Variants in EPN1 observed in about 807,000 individuals in gnomAD.
EPN1 encodes the protein epsin 1, also known as epsin-1.
In EPN1, 25 loss-of-function variants were observed where a neutral mutation model predicts 56.9. The ratio of observed to expected loss-of-function variants is 0.44; its 90% CI spans 0.32 to 0.61. The LOEUF is 0.61. EPN1 is among the 20% of genes least tolerant of loss of function. The probability of loss-of-function intolerance (pLI) is 0.05; values close to 1 mark genes in which losing one functional copy is unlikely to be tolerated. For synonymous variants in EPN1, 411 were observed against 361.8 expected (o/e 1.14, Z -1.54); for missense variants, 785 against 823.7 (o/e 0.95, Z 0.58).
Position 55,695,010 on chromosome 19 carries a change from A to G in EPN1, c.1522+27A>G. 1 of 1,560,736 alleles carries G rather than the reference A, an allele frequency of 6.4e-7. No individual in the cohort carries two copies. Among genetic ancestry groups the G allele is most frequent in the East Asian group, 2.4e-5 (1 of 41,784 alleles). On this transcript the variant is annotated intron_variant, in intron 10 of 10. Transcript: ENST00000270460. The surrounding 1 kb of genome is among the most constrained non-coding windows in gnomAD (Gnocchi z 4.4). ...TGAGTGTGGGCCCATCACCTGCTCAAGTCCTTCCTGTGGGTTCCACCAGAG... is the reference window on the plus strand; with the variant it reads ...TGAGTGTGGGCCCATCACCTGCTCAGGTCCTTCCTGTGGGTTCCACCAGAG...
rs1987355765 is a variant in EPN1 at position 55,705,685 on chromosome 19, C to G, written c.*10329C>G. The stretch of plus-strand genomic sequence containing the variant: ...AAGTATCCCCGAACATTATCAGAGT[C>G]AAGTTAATAAAGGCCAAAGGTAGAG... On this transcript the variant is annotated 3_prime_UTR_variant, in exon 11 of 11. Transcript: ENST00000270460. 6.6e-6 allele frequency: 1 copy of G among 151,794 alleles called. No individual in the cohort carries two copies. Among genetic ancestry groups the G allele is most frequent in the Non-Finnish European group, 1.5e-5 (1 of 67,962 alleles). 9.4% of individuals were successfully genotyped at this position (151,794 alleles called of 1,614,324 possible). A position where few individuals can be genotyped will look rare whatever the true frequency, so the allele number is the denominator to read the frequency against.
intron 1 of EPN1, chr19:55,677,868 C>T (rs1985546577): frequency 2.5e-6 from 3 of 1,221,842 alleles, no homozygotes; most frequent in Non-Finnish European, 2.2e-6. Context: ...CTCTCCACTT[C>T]CTCCTTGCAT....
intron 7 of EPN1, 72 bp from the exon 8 acceptor site, chr19:55,692,614 A>AG: frequency 2.0e-6 from 2 of 1,005,392 alleles, no homozygotes; most frequent in African/African-American, 1.6e-5. Context: ...ACAGATTTGG[A>AG]GGCAATGGTC....
rs887482223 is a variant in EPN1, at chr19:55,705,738, C to T, written c.*10382C>T. 6.7e-6 allele frequency: 1 copy of T among 150,068 alleles called. No individual in the cohort carries two copies. The highest frequency in any genetic ancestry group is 1.5e-5 in the Non-Finnish European group (1 of 67,630). The allele number at this position is 150,068 out of a possible 1,614,324, so 9.3% of individuals were successfully genotyped here. On this transcript the variant is annotated 3_prime_UTR_variant, in exon 11 of 11. Coordinates refer to ENST00000270460, the MANE Select transcript of EPN1 (RefSeq NM_001130072.2). ...AATCTTGAAAGTATCGAGAAAATGA[C>T]ATGTCAATCATAAGGTCAGGTTCTT...
rs984374844 is a variant in EPN1, at chr19:55,685,756, A to G, written c.478+111A>G. The G allele has an allele frequency of 6.0e-5, 83 of 1,393,370 alleles. No individual in the cohort carries two copies. The African/African-American group carries it at 8.7e-4, about 15-fold the overall frequency. The allele number at this position is 1,393,370 out of a possible 1,614,324, so 86.3% of individuals were successfully genotyped here. On this transcript the variant is annotated intron_variant, in intron 3 of 10. Transcript: ENST00000270460. ...TCTCCCAGCCAGGAGGGACCGCGGC[A>G]TCCCCCTTTGCTTCTCCTCACCTGG...
rs542160565 is a variant in EPN1, at chr19:55,684,679, C to T, written c.229-717C>T. Among the ~76,000 whole-genome samples, 106 of 152,310 alleles carry T rather than the reference C, an allele frequency of 7.0e-4. 2 individuals carry two copies. The highest frequency in any genetic ancestry group is 2.3e-3 in the African/African-American group (97 of 41,572). On this transcript the variant is annotated intron_variant, in intron 2 of 10. Transcript: ENST00000270460. ...TTCTTGCAGAGGTGATAAACTACTG[C>T]TCCAGGCTGTTAGTACCAGCGTGAG... is the stretch of plus-strand genomic sequence containing the variant.
intron 3 of EPN1, 78 bp from the exon 4 acceptor site, chr19:55,688,792 C>A: frequency 1.3e-6 from 2 of 1,539,194 alleles, no homozygotes; most frequent in African/African-American, 1.4e-5. Context: ...CACAGAAGCC[C>A]CCGTCTGTCT....
In EPN1 at chr19:55,697,159, G is replaced by A. The variant is rs1004129507; in HGVS notation, c.*1803G>A. On this transcript the variant is annotated 3_prime_UTR_variant, in exon 11 of 11. Transcript: ENST00000270460. ...GACTGTTACCGGGGGAGGGGGTGCT[G>A]TCCCCAGGCAGCAGCAAGCGTCCCT... The A allele has an allele frequency of 2.0e-5, 3 of 152,264 alleles. No homozygotes were observed. The highest frequency in any genetic ancestry group is 7.2e-5 in the African/African-American group (3 of 41,440). The allele number at this position is 152,264 out of a possible 1,614,324, so 9.4% of individuals were successfully genotyped here.
chr19:55,676,273 A>T (rs542267829), intron 1 of EPN1, among the ~76,000 whole-genome samples: 8 of 151,214 alleles, frequency 5.3e-5, no homozygotes, highest in African/African-American at 1.7e-4. Context: ...TAAGTGTTAG[A>T]TATCGGTCGG....
chr19:55,690,868 C>T (rs979713527), intron 6 of EPN1, among the ~76,000 whole-genome samples: 1 of 152,274 alleles, frequency 6.6e-6, no homozygotes, highest in South Asian at 2.1e-4. Context: ...TGGCCTCGGC[C>T]AGGGGGTCTC....
chr19:55,702,709 T>TA lies in EPN1; in HGVS notation c.*7354dup, dbSNP rs1600115615. On this transcript the variant is annotated 3_prime_UTR_variant, in exon 11 of 11. Coordinates refer to ENST00000270460, the MANE Select transcript of EPN1 (RefSeq NM_001130072.2). ...ATCTACCTAAATGATTTCTGTTTCT[T>TA]ACATCAATTGGGTATTGATTTCAGG... 6.6e-6 allele frequency: 1 copy of TA among 152,222 alleles called. No homozygotes were observed. The highest frequency in any genetic ancestry group is 1.5e-5 in the Non-Finnish European group (1 of 68,044). 9.4% of individuals were successfully genotyped at this position (152,222 alleles called of 1,614,324 possible).
chr19:55,685,247 C>G, intron 2 of EPN1, 149 bp from the exon 3 acceptor site: 1 of 981,736 alleles, frequency 1.0e-6, no homozygotes, highest in East Asian at 2.6e-5. Context: ...GTGTCGTATT[C>G]TGTGGGGACA....
In EPN1 at chr19:55,678,573, C is replaced by A. The variant is rs745634936; in HGVS notation, c.-55C>A. 1 of 1,561,620 alleles carries A rather than the reference C, an allele frequency of 6.4e-7. No homozygotes were observed. The highest frequency in any genetic ancestry group is 1.2e-5 in the South Asian group (1 of 85,716). On this transcript the variant is annotated 5_prime_UTR_variant, in exon 2 of 11. Transcript: ENST00000270460. ...TGCCGCAGCCTTCGTCCGGGAGTCGCCCCATCTCTCCACGCATCGGGGCCC... is the reference window on the plus strand; with the variant it reads ...TGCCGCAGCCTTCGTCCGGGAGTCGACCCATCTCTCCACGCATCGGGGCCC...
intron 7 of EPN1, among the ~76,000 whole-genome samples, chr19:55,692,398 C>T (rs919855497): frequency 2.7e-5 from 4 of 150,768 alleles, no homozygotes; most frequent in Non-Finnish European, 5.9e-5. Context: ...GCCTGACACC[C>T]AGCTGGACAG....
chr19:55,679,315 G>A (rs1985648903), intron 2 of EPN1, among the ~76,000 whole-genome samples: 1 of 152,254 alleles, frequency 6.6e-6, no homozygotes, highest in African/African-American at 2.4e-5. Flanking sequence ...GGGGTCCAGG[G>A]GCCTTGGCAT....
At chr19:55,686,940 G>A (rs1428181367) in intron 3 of EPN1, among the ~76,000 whole-genome samples, 1 of 151,762 alleles carries the variant, frequency 6.6e-6, no homozygotes, top group African/African-American at 2.4e-5. Flanking sequence ...CAGACTTTGT[G>A]CAAGGCCAGA....
chr19:55,677,320 A>C, intron 1 of EPN1: 1 of 782,170 alleles, frequency 1.3e-6, no homozygotes, highest in Non-Finnish European at 2.2e-6. Context: ...CTGAGTTAAT[A>C]CATGTAAAGC....
At chr19:55,690,006 C>A in intron 6 of EPN1, 56 bp downstream of exon 6, 1 of 1,476,450 alleles carries the variant, frequency 6.8e-7, no homozygotes, top group Non-Finnish European at 9.2e-7. Flanking sequence ...TCCGTCCCAT[C>A]GCTCATTCCT....
rs1364026789 is a variant in EPN1, at chr19:55,689,253, C to A, written c.604-44C>A. On this transcript the variant is annotated intron_variant, in intron 4 of 10. Transcript: ENST00000270460. This position sits in a 1 kb window ranked among gnomAD's most constrained non-coding sequence, Gnocchi z 5.7. ...ACCCTGGCTCTGCCTCTGACTCTGC[C>A]TCTGGCCCCTCCCGTCATGCCCCTC... is the stretch of plus-strand genomic sequence containing the variant. The A allele has an allele frequency of 2.8e-6, 4 of 1,406,248 alleles. No individual in the cohort carries two copies. In the South Asian group the frequency reaches 4.9e-5, roughly 17 times the overall value. 87.1% of individuals were successfully genotyped at this position (1,406,248 alleles called of 1,614,324 possible).
Sources: allele counts gnomAD v4.1 joint callset (sites outside exome capture counted in the v4.1 genomes callset), GRCh38; gene constraint gnomAD v4.1.1; non-coding constraint Gnocchi (gnomAD v3.1); transcripts MANE v1.5; gene names NCBI Gene and HGNC (gene_info 2026-07-23, HGNC 2026-07-21).